The following C8A variants were observed in gnomAD, a reference collection of about 807,000 sequenced individuals.
The protein encoded by C8A is complement C8 alpha chain, also known as complement component C8 alpha chain.
In C8A, 67 loss-of-function variants were observed where a neutral mutation model predicts 65.3. The ratio of observed to expected loss-of-function variants is 1.03; its 90% CI spans 0.84 to 1.26. The LOEUF (loss-of-function observed/expected upper bound fraction) is 1.26, where lower values mean the gene tolerates loss of function less well. C8A is among the 50% of genes most tolerant of loss of function. The pLI is 0.00. For synonymous variants in C8A, 290 were observed against 259.4 expected, an observed-to-expected ratio of 1.12 and a Z score of -1.13; for missense variants, 781 against 723.9, an observed-to-expected ratio of 1.08 and a Z score of -0.90.
rs1182468023 is a variant in C8A at position 56,883,544 on chromosome 1, G to C, written c.718G>C (p.Val240Leu). 1.2e-6 allele frequency: 2 copies of C among 1,613,424 alleles called. No individual in the cohort carries two copies. Among genetic ancestry groups the C allele is most frequent in the Non-Finnish European group, 8.5e-7 (1 of 1,179,868 alleles). The change falls in exon 6 of 11, where the codon GTT (valine) becomes CTT (leucine). Residue 240 changes from valine to leucine, a missense_variant. Transcript: ENST00000361249. ...YDNANDLLSK[V>L]KKDKSDSFGV... The stretch of plus-strand genomic sequence containing the variant: ...TAATGCAAATGACCTTCTTTCCAAA[G>C]TTAAAAAAGACAAGTCTGACTCATT...
chr1:56,905,959 G>C (rs1411907127), intron 7 of C8A, among the ~76,000 whole-genome samples: 1 of 152,166 alleles, frequency 6.6e-6, no homozygotes, highest in African/African-American at 2.4e-5. Context: ...ACAAAATGCA[G>C]GTTCCTCAGT....
intron 9 of C8A, among the ~76,000 whole-genome samples, chr1:56,910,594 C>G (rs1391195821): frequency 6.6e-6 from 1 of 152,218 alleles, no homozygotes; most frequent in African/African-American, 2.4e-5. Context: ...AGAAGGCCAA[C>G]AGGGCAGCCT....
chr1:56,915,444 A>C (rs1644543205), intron 10 of C8A, among the ~76,000 whole-genome samples: 1 of 152,132 alleles, frequency 6.6e-6, no homozygotes, highest in Non-Finnish European at 1.5e-5. Flanking sequence ...GAGAAAAATA[A>C]AACTACTCTG....
Position 56,854,873 on chromosome 1 carries a change from G to A in C8A, c.-29G>A, listed in dbSNP as rs1405016884. The A allele has an allele frequency of 1.6e-5, 26 of 1,598,966 alleles. No homozygotes were observed. Among genetic ancestry groups the A allele is most frequent in the Non-Finnish European group, 2.2e-5 (26 of 1,167,950 alleles). On this transcript the variant is annotated 5_prime_UTR_variant, in exon 1 of 11. Transcript: ENST00000361249. ...GAATAGATAGCTTTATTCCTTCAAG[G>A]TAATATAGTGCGGTGGCTTCTGGCT...
chr1:56,896,740 G>A, intron 7 of C8A, among the ~76,000 whole-genome samples: 1 of 152,176 alleles, frequency 6.6e-6, no homozygotes, highest in South Asian at 2.1e-4. Context: ...TGGGAAAGCT[G>A]GAAGCAGATG....
chr1:56,882,183 C>T (rs1644253554), intron 5 of C8A, among the ~76,000 whole-genome samples: 1 of 152,144 alleles, frequency 6.6e-6, no homozygotes, highest in African/African-American at 2.4e-5. Flanking sequence ...AGACTCTCTC[C>T]ATCTCTACAA....
intron 7 of C8A, among the ~76,000 whole-genome samples, chr1:56,900,799 C>T (rs1359775407): frequency 2.0e-5 from 3 of 152,166 alleles, no homozygotes; most frequent in Admixed American, 6.5e-5. Flanking sequence ...ATGCCAGGCT[C>T]TGTGCAGAGA....
intron 1 of C8A, among the ~76,000 whole-genome samples, chr1:56,855,993 A>G (rs1643971349): frequency 6.6e-6 from 1 of 152,192 alleles, no homozygotes; most frequent in South Asian, 2.1e-4. Context: ...CCGCCGAGAT[A>G]TTCTTAATTA....
chr1:56,916,942 A>G lies in C8A; in HGVS notation c.1604-623A>G, dbSNP rs1644557556. On this transcript the variant is annotated intron_variant, in intron 10 of 10. Coordinates refer to ENST00000361249, the MANE Select transcript of C8A (RefSeq NM_000562.3). ...GAGGGGGTTTGATTTGCAGATCCTCATACAAAAGCTTAGCAATCCTCTCCA... is the reference window on the plus strand; with the variant it reads ...GAGGGGGTTTGATTTGCAGATCCTCGTACAAAAGCTTAGCAATCCTCTCCA... Among the ~76,000 whole-genome samples the G allele has an allele frequency of 3.3e-5, 5 of 152,172 alleles. No homozygotes were observed. In the South Asian group the frequency reaches 8.3e-4, roughly 25 times the overall value.
At chr1:56,885,852 C>A (rs1644295318) in intron 6 of C8A, 75 bp from the exon 7 acceptor site, 1 of 1,604,972 alleles carries the variant, frequency 6.2e-7, no homozygotes, top group Non-Finnish European at 8.5e-7. Context: ...ACCCAGAGAC[C>A]TTTTGCATTA....
intron 6 of C8A, among the ~76,000 whole-genome samples, chr1:56,884,482 T>G (rs80226443): frequency 0.019 from 2,859 of 152,294 alleles, 67 homozygotes; most frequent in East Asian, 0.076. Flanking sequence ...AAAAATTATC[T>G]TGAATGATGA....
intron 9 of C8A, among the ~76,000 whole-genome samples, chr1:56,912,095 T>C (rs116296609): frequency 0.02 from 2,976 of 152,348 alleles, 42 homozygotes; most frequent in Middle Eastern, 0.051. Flanking sequence ...CCTCACGTCC[T>C]AGCTGTGTGG....
intron 2 of C8A, among the ~76,000 whole-genome samples, chr1:56,873,614 C>T (rs79629124): frequency 0.027 from 4,119 of 152,286 alleles, 80 homozygotes; most frequent in Non-Finnish European, 0.039. Flanking sequence ...ATACTTCACA[C>T]AGCAAGTAAG....
intron 9 of C8A, among the ~76,000 whole-genome samples, chr1:56,908,826 A>T (rs962940931): frequency 6.6e-5 from 10 of 152,236 alleles, no homozygotes; most frequent in African/African-American, 2.4e-5. Context: ...TGGACTTCGT[A>T]TCCAGTTCTC....
At chr1:56,891,061 T>C (rs1427966129) in intron 7 of C8A, among the ~76,000 whole-genome samples, 1 of 152,156 alleles carries the variant, frequency 6.6e-6, no homozygotes, top group Non-Finnish European at 1.5e-5. Context: ...AAAAGCCATT[T>C]AGAAAATGAA....
intron 2 of C8A, among the ~76,000 whole-genome samples, chr1:56,873,758 C>A (rs931963215): frequency 6.6e-5 from 10 of 152,142 alleles, no homozygotes; most frequent in African/African-American, 2.2e-4. Flanking sequence ...CAGGGCTGCA[C>A]GTTTCCTTGT....
chr1:56,915,045 A>G (rs1644540292), intron 10 of C8A, among the ~76,000 whole-genome samples: 1 of 152,152 alleles, frequency 6.6e-6, no homozygotes, highest in African/African-American at 2.4e-5. Flanking sequence ...TTATATTGGA[A>G]CCTTCCTTAA....
intron 10 of C8A, among the ~76,000 whole-genome samples, chr1:56,914,976 C>A (rs892771612): frequency 6.7e-6 from 1 of 149,304 alleles, no homozygotes; most frequent in Non-Finnish European, 1.5e-5. Flanking sequence ...CCACATTCAG[C>A]CCAGGTCTTT....
At chr1:56,910,044 G>T (rs940189266) in intron 9 of C8A, among the ~76,000 whole-genome samples, 4 of 152,130 alleles carry the variant, frequency 2.6e-5, no homozygotes, top group African/African-American at 9.7e-5. Context: ...AAAAGAGAAT[G>T]CTCACAGGGA....
Sources: gnomAD v4.1 joint callset for allele counts (sites outside exome capture counted in the v4.1 genomes callset) on GRCh38, gnomAD v4.1.1 for gene constraint, MANE v1.5 for transcripts, NCBI Gene and HGNC (gene_info 2026-07-23, HGNC 2026-07-21) for gene names.